SNTB2: variants seen among roughly 807,000 people sequenced by gnomAD.
SNTB2 encodes the protein syntrophin beta 2, also known as beta-2-syntrophin.
In SNTB2, 34 loss-of-function variants were observed where a neutral mutation model predicts 46.2. The ratio of observed to expected loss-of-function variants is 0.74; its 90% CI spans 0.56 to 0.98. SNTB2 has a LOEUF of 0.98. Ranked by LOEUF, SNTB2 falls within the 50% of genes least tolerant of loss-of-function variation. SNTB2 has a pLI of 0.00. For synonymous variants in SNTB2, 290 were observed against 312.6 expected, an observed-to-expected ratio of 0.93 and a Z score of 0.76; for missense variants, 603 against 731.4, an observed-to-expected ratio of 0.82 and a Z score of 2.02.
intron 1 of SNTB2, among the ~76,000 whole-genome samples, chr16:69,219,231 A>G (rs1187851691): frequency 6.6e-6 from 1 of 152,194 alleles, no homozygotes; most frequent in Non-Finnish European, 1.5e-5. Flanking sequence ...GAACCATGGA[A>G]CTACAGTTGA....
Position 69,245,654 on chromosome 16 carries a change from A to C in SNTB2, c.633A>C (p.Ser211=), listed in dbSNP as rs1399785095. ...ATATCAAGAAGCCATCATTAGTATC[A>C]GATCTGCCGTGGGAAGGTGCAGCCC... ...TPYIKKPSLV[S]DLPWEGAAPQ... is the part of the protein sequence containing the mutation. The change falls in exon 2 of 7, where the codon TCA becomes TCC. Residue 211 remains serine (S), a synonymous_variant. Transcript: ENST00000336278. 6 of 1,614,034 alleles carry C rather than the reference A, an allele frequency of 3.7e-6. No individual in the cohort carries two copies. The highest frequency in any genetic ancestry group is 5.1e-6 in the Non-Finnish European group (6 of 1,180,034).
Position 69,187,476 on chromosome 16 carries a change from G to T in SNTB2, c.310G>T (p.Ala104Ser). ...CCCGCCGGCGCCGCCTCGGGGCCCC[G>T]CGGGTGAGGCGGGCGCGTCGCCGCC... ...PSPPAPPRGP[A>S]GEAGASPPVR... The change falls in exon 1 of 7, where the codon GCG becomes TCG. Residue 104 changes from alanine to serine, a missense_variant. This residue lies in a region of SNTB2 where 537 missense variants were observed against 692.4 expected (regional missense o/e 0.78). Transcript: ENST00000336278. 8.2e-7 allele frequency: 1 copy of T among 1,213,914 alleles called. No individual in the cohort carries two copies. The highest frequency in any genetic ancestry group is 1.0e-6 in the Non-Finnish European group (1 of 972,002). 75.2% of individuals were successfully genotyped at this position (1,213,914 alleles called of 1,614,324 possible). A position where few individuals can be genotyped will look rare whatever the true frequency, so the allele number is the denominator to read the frequency against.
intron 2 of SNTB2, among the ~76,000 whole-genome samples, chr16:69,247,887 T>C (rs962706923): frequency 1.3e-5 from 2 of 150,894 alleles, no homozygotes; most frequent in Non-Finnish European, 1.5e-5. Flanking sequence ...GAGGCCAGGG[T>C]TAGAGAATTG....
chr16:69,188,260 G>T (rs1964014508), intron 1 of SNTB2, among the ~76,000 whole-genome samples: 1 of 152,158 alleles, frequency 6.6e-6, no homozygotes. Flanking sequence ...AACCAAAGGA[G>T]ATCATAGCAT....
intron 1 of SNTB2, among the ~76,000 whole-genome samples, chr16:69,236,782 A>G (rs1964564136): frequency 6.6e-6 from 1 of 151,986 alleles, no homozygotes. Flanking sequence ...CTAGAGAACA[A>G]TTTCAGATGT....
At chr16:69,298,636 C>T (rs1214794156) in intron 5 of SNTB2, among the ~76,000 whole-genome samples, 1 of 150,650 alleles carries the variant, frequency 6.6e-6, no homozygotes, top group Non-Finnish European at 1.5e-5. Context: ...GTTATCCTGC[C>T]TCAGCCTCCC....
intron 1 of SNTB2, among the ~76,000 whole-genome samples, chr16:69,236,158 C>A (rs1296386070): frequency 6.6e-6 from 1 of 152,048 alleles, no homozygotes; most frequent in African/African-American, 2.4e-5. Flanking sequence ...TTTTCTTGTG[C>A]AAGCAGTTTA....
At chr16:69,291,767 G>T (rs887406673) in intron 5 of SNTB2, among the ~76,000 whole-genome samples, 1 of 151,930 alleles carries the variant, frequency 6.6e-6, no homozygotes, top group Non-Finnish European at 1.5e-5. Flanking sequence ...GTAAGACCGC[G>T]TCTCTATGAA....
chr16:69,296,523 C>A (rs1404041419), intron 5 of SNTB2, among the ~76,000 whole-genome samples: 1 of 151,786 alleles, frequency 6.6e-6, no homozygotes, highest in Non-Finnish European at 1.5e-5. Context: ...GAGTTTGAGA[C>A]CAGCCTGGCC....
chr16:69,196,789 G>A (rs1459503890), intron 1 of SNTB2, among the ~76,000 whole-genome samples: 2 of 152,178 alleles, frequency 1.3e-5, no homozygotes, highest in Non-Finnish European at 2.9e-5. Flanking sequence ...ATTTGTAGGT[G>A]ATAGAGGCAA....
chr16:69,210,861 C>T lies in SNTB2; in HGVS notation c.580+23115C>T, dbSNP rs150252845. On this transcript the variant is annotated intron_variant, in intron 1 of 6. Transcript: ENST00000336278. ...TACAAAAATTAGTCAGGCGTGGTGG[C>T]GCGCTTGTAATCCCAGCTCCTAGGG... 6.7e-3 allele frequency among the ~76,000 whole-genome samples: 1,024 copies of T among 152,114 alleles called. 7 individuals carry two copies. Among genetic ancestry groups the T allele is most frequent in the Non-Finnish European group, 0.011 (752 of 67,960 alleles).
intron 1 of SNTB2, among the ~76,000 whole-genome samples, chr16:69,237,254 G>T (rs540716605): frequency 2.0e-5 from 3 of 152,074 alleles, no homozygotes; most frequent in African/African-American, 7.2e-5. Flanking sequence ...GAGAAAAAAG[G>T]CACTTAAAAA....
At chr16:69,212,793 C>T (rs1407211492) in intron 1 of SNTB2, among the ~76,000 whole-genome samples, 1 of 152,066 alleles carries the variant, frequency 6.6e-6, no homozygotes. Flanking sequence ...CACTACCACA[C>T]CTGGCTAATT....
chr16:69,279,627 G>A (rs1474622807), intron 4 of SNTB2, among the ~76,000 whole-genome samples: 1 of 139,982 alleles, frequency 7.1e-6, no homozygotes, highest in Non-Finnish European at 1.5e-5. Context: ...CCGGGTTCAC[G>A]CCATTCTCTT....
intron 4 of SNTB2, among the ~76,000 whole-genome samples, chr16:69,281,996 C>T (rs1032526815): frequency 5.4e-5 from 8 of 147,460 alleles, no homozygotes; most frequent in African/African-American, 2.0e-4. Flanking sequence ...CCTCCACCTT[C>T]CCGGGTTCAA....
chr16:69,244,481 T>A (rs1469356038), intron 1 of SNTB2, among the ~76,000 whole-genome samples: 1 of 152,236 alleles, frequency 6.6e-6, no homozygotes, highest in Non-Finnish European at 1.5e-5. Context: ...GTGCATGTAT[T>A]ACCTATTCAC....
At chr16:69,214,527 A>G (rs1205718781) in intron 1 of SNTB2, among the ~76,000 whole-genome samples, 1 of 149,226 alleles carries the variant, frequency 6.7e-6, no homozygotes, top group African/African-American at 2.5e-5. Flanking sequence ...ATATGTACAT[A>G]TGTGTGTATG....
chr16:69,283,215 C>G (rs1965066981), intron 4 of SNTB2, among the ~76,000 whole-genome samples: 3 of 152,168 alleles, frequency 2.0e-5, no homozygotes, highest in African/African-American at 7.2e-5. Context: ...TCTGCCTCAG[C>G]CTCTGAAAGT....
intron 1 of SNTB2, among the ~76,000 whole-genome samples, chr16:69,243,605 G>A (rs1412230940): frequency 2.0e-5 from 3 of 152,168 alleles, no homozygotes; most frequent in Non-Finnish European, 4.4e-5. Context: ...TAGCCCAATA[G>A]TGTACTGCCT....
Sources: gnomAD v4.1 joint callset for allele counts (sites outside exome capture counted in the v4.1 genomes callset) on GRCh38, gnomAD v4.1.1 for gene constraint, gnomAD v4.1.1 regional missense constraint, MANE v1.5 for transcripts, NCBI Gene and HGNC (gene_info 2026-07-23, HGNC 2026-07-21) for gene names.